PLOD2: variants seen among roughly 807,000 people sequenced by gnomAD.
The protein encoded by PLOD2 is lysine hydroxylase 2.
In PLOD2, 65 loss-of-function variants were observed where a neutral mutation model predicts 101.0. The ratio of observed to expected loss-of-function variants is 0.64; its 90% CI spans 0.53 to 0.79. The LOEUF (loss-of-function observed/expected upper bound fraction) is 0.79. PLOD2 is among the 30% of genes least tolerant of loss of function. The pLI, the probability that PLOD2 is intolerant of heterozygous loss-of-function variation, is 0.00. For synonymous variants in PLOD2, 314 were observed against 302.9 expected (o/e 1.04, Z -0.38); for missense variants, 909 against 914.6 (o/e 0.99, Z 0.08).
At chr3:146,149,565 T>C (rs1479307089) in intron 1 of PLOD2, among the ~76,000 whole-genome samples, 1 of 152,168 alleles carries the variant, frequency 6.6e-6, no homozygotes, top group Admixed American at 6.5e-5. Flanking sequence ...CTGTTTAAAA[T>C]GTAATACTTC....
intron 1 of PLOD2, among the ~76,000 whole-genome samples, chr3:146,147,372 G>A (rs1473382214): frequency 1.3e-5 from 2 of 152,172 alleles, no homozygotes; most frequent in Admixed American, 6.5e-5. Flanking sequence ...AATCCAGTAT[G>A]AACAGAGTGC....
chr3:146,140,599 C>T (rs189080257), intron 1 of PLOD2, among the ~76,000 whole-genome samples: 37 of 152,174 alleles, frequency 2.4e-4, no homozygotes, highest in Admixed American at 7.2e-4. Context: ...ACACAATACG[C>T]TTTAATAAAG....
chr3:146,138,088 G>C (rs1346687957), intron 1 of PLOD2, among the ~76,000 whole-genome samples: 6 of 152,138 alleles, frequency 3.9e-5, no homozygotes, highest in Non-Finnish European at 7.4e-5. Context: ...TGGACAGCTG[G>C]AAGCCAAGAT....
chr3:146,087,289 A>G (rs1205286283), intron 9 of PLOD2, among the ~76,000 whole-genome samples: 1 of 151,964 alleles, frequency 6.6e-6, no homozygotes, highest in Non-Finnish European at 1.5e-5. Flanking sequence ...TCTTAGATAT[A>G]TGTTGTGAAA....
chr3:146,090,124 A>G (rs919293606), intron 8 of PLOD2, among the ~76,000 whole-genome samples: 1 of 150,990 alleles, frequency 6.6e-6, no homozygotes, highest in African/African-American at 2.4e-5. Context: ...TGTTATGTAT[A>G]TTCATATATA....
chr3:146,076,331 T>G (rs1266536371), intron 15 of PLOD2: 1 of 154,976 alleles, frequency 6.5e-6, no homozygotes, highest in Non-Finnish European at 1.4e-5. Context: ...CACATTTTCT[T>G]TATCCAATCC....
At chr3:146,099,073 G>A (rs1451804024) in intron 7 of PLOD2, among the ~76,000 whole-genome samples, 1 of 151,796 alleles carries the variant, frequency 6.6e-6, no homozygotes, top group Admixed American at 6.6e-5. Flanking sequence ...ATATTTTATT[G>A]TCTAATAGAA....
At chr3:146,106,336 C>T (rs571103711) in intron 5 of PLOD2, among the ~76,000 whole-genome samples, 196 bp downstream of exon 5, 2 of 152,344 alleles carry the variant, frequency 1.3e-5, no homozygotes, top group South Asian at 4.1e-4. Context: ...TAAAGACATA[C>T]TAAGCTAGTG....
intron 1 of PLOD2, among the ~76,000 whole-genome samples, chr3:146,127,517 T>C (rs915777692): frequency 6.6e-5 from 10 of 152,268 alleles, no homozygotes; most frequent in South Asian, 4.1e-4. Flanking sequence ...TTTTTTTTAA[T>C]AGCTGTGTCA....
chr3:146,088,265 C>A (rs1374471281), intron 9 of PLOD2, among the ~76,000 whole-genome samples: 1 of 151,462 alleles, frequency 6.6e-6, no homozygotes, highest in African/African-American at 2.4e-5. Flanking sequence ...GAAGAAAGTA[C>A]CAGAACTAAC....
At chr3:146,079,095 A>G (rs1936441372) in intron 13 of PLOD2, 21 bp downstream of exon 13, 1 of 1,610,464 alleles carries the variant, frequency 6.2e-7, no homozygotes, top group Admixed American at 1.7e-5. Flanking sequence ...CATTCAAGCA[A>G]GCCATCACTG....
At position 146,070,611 on chromosome 3, in the gene PLOD2, GA is replaced by G. The variant is rs1415290002; in HGVS notation, c.*105del. ...TGGCCCAAAGTGAAGTTGTTCTGTT[GA>G]TGTTATTTAAATATTCCTCTCATCT... On this transcript the variant is annotated 3_prime_UTR_variant, in exon 20 of 20. Coordinates refer to ENST00000282903, the MANE Select transcript of PLOD2 (RefSeq NM_182943.3). 5 of 716,926 alleles carry G rather than the reference GA, an allele frequency of 7.0e-6. No homozygotes were observed. The African/African-American group carries it at 9.0e-5, about 13-fold the overall frequency. The allele number at this position is 716,926 out of a possible 1,614,324, so 44.4% of individuals were successfully genotyped here.
chr3:146,137,130 C>T (rs919894473), intron 1 of PLOD2, among the ~76,000 whole-genome samples: 5 of 151,994 alleles, frequency 3.3e-5, no homozygotes, highest in African/African-American at 9.7e-5. Context: ...AGATGACCTG[C>T]GATTTTTTAA....
intron 6 of PLOD2, among the ~76,000 whole-genome samples, chr3:146,103,057 TA>T (rs1169761212): frequency 6.6e-6 from 1 of 152,130 alleles, no homozygotes; most frequent in Admixed American, 6.6e-5. Context: ...TGACAACAGA[TA>T]CAGATACCAA....
At chr3:146,086,611 C>A (rs1033619954) in intron 10 of PLOD2, 176 bp downstream of exon 10, 3 of 395,356 alleles carry the variant, frequency 7.6e-6, no homozygotes, top group Admixed American at 8.2e-5. Context: ...ACTTCTACAG[C>A]CCTTTATGTA....
chr3:146,071,406 A>G lies in PLOD2; in HGVS notation c.1866T>C (p.Gly622=), dbSNP rs1457314840. The change falls in exon 18 of 20, where the codon GGT becomes GGC. Residue 622 remains glycine (G), a synonymous_variant. Transcript: ENST00000282903. ...CATCAGTTGGGACATTTTCATAACC[A>G]CCAGATATACGGCTATCCTAGAAAC... ...GGKHHDSRIS[G]GYENVPTDDI... 1.2e-6 allele frequency: 2 copies of G among 1,611,850 alleles called. No individual in the cohort carries two copies. Among genetic ancestry groups the G allele is most frequent in the Non-Finnish European group, 1.7e-6 (2 of 1,178,450 alleles).
At chr3:146,116,630 C>T (rs779285720) in intron 3 of PLOD2, among the ~76,000 whole-genome samples, 1 of 151,932 alleles carries the variant, frequency 6.6e-6, no homozygotes, top group Non-Finnish European at 1.5e-5. Context: ...ATACGGAGTA[C>T]ACACATAATG....
rs147506063 is a variant in PLOD2 at position 146,073,063 on chromosome 3, G to T, written c.1743+224C>A. Among the ~76,000 whole-genome samples, 743 of 151,586 alleles carry T rather than the reference G, an allele frequency of 4.9e-3. 6 individuals carry two copies. The highest frequency in any genetic ancestry group is 0.017 in the African/African-American group (707 of 41,454). ...GGTTTCAGAAAGCTATGACACATAG[G>T]AGCATGCTTTTTAAAAAGGCATGCT... On this transcript the variant is annotated intron_variant, in intron 16 of 19. Coordinates refer to ENST00000282903, the MANE Select transcript of PLOD2 (RefSeq NM_182943.3).
intron 1 of PLOD2, among the ~76,000 whole-genome samples, chr3:146,137,700 T>C (rs894948053): frequency 1.3e-5 from 2 of 151,926 alleles, no homozygotes; most frequent in Non-Finnish European, 1.5e-5. Context: ...ACCCCAAGAG[T>C]TTCTGATTCA....
Sources: gnomAD v4.1 joint callset for allele counts (sites outside exome capture counted in the v4.1 genomes callset) on GRCh38, gnomAD v4.1.1 for gene constraint, MANE v1.5 for transcripts, NCBI Gene and HGNC (gene_info 2026-07-23, HGNC 2026-07-21) for gene names.